The following XIST variants were observed in gnomAD, a reference collection of about 807,000 sequenced individuals.
XIST encodes X inactive specific transcript (non-protein coding).
chrX:73,839,446 T>C (rs915284286), intron 1 of XIST, among the ~76,000 whole-genome samples: 1 of 111,617 alleles, frequency 9.0e-6, no homozygotes, highest in Non-Finnish European at 1.9e-5. Context: ...ATTTAGGTAT[T>C]TGATATAAGC....
At chrX:73,847,599 G>A (rs1457334980) in exon 1 of XIST, 2 of 512,501 alleles carry the variant, frequency 3.9e-6, no homozygotes, top group African/African-American at 4.7e-5. Flanking sequence ...GAGAAGTCAA[G>A]ATATTAGCTT....
chrX:73,827,110 A>G (rs962342653), exon 6 of XIST: 5 of 556,335 alleles, frequency 9.0e-6, no homozygotes, highest in African/African-American at 6.8e-5. Context: ...TATCCATATG[A>G]GCCTTCCACC....
rs762151553 is a variant in XIST, at chrX:73,823,471, T to C, written n.16430A>G. On this transcript the variant is annotated non_coding_transcript_exon_variant, in exon 6 of 6. Transcript: ENST00000429829. ...CTATCTTCAGCTGTCAGTGATCTAA[T>C]GCCCTCATCTCTCTTATCCTCAGGA... 33 of 516,188 alleles carry C rather than the reference T, an allele frequency of 6.4e-5. No individual in the cohort carries two copies. The African/African-American group carries it at 7.2e-4, about 11-fold the overall frequency. The allele number at this position is 516,188 out of a possible 1,213,427, so 42.5% of individuals were successfully genotyped here.
chrX:73,822,287 G>C (rs781154398), exon 6 of XIST: 13 of 556,426 alleles, frequency 2.3e-5, no homozygotes, highest in Non-Finnish European at 4.2e-5. Flanking sequence ...ACAAAACCCA[G>C]CTACCTGCTT....
chrX:73,827,221 T>C (rs762230356), exon 6 of XIST: 1 of 558,643 alleles, frequency 1.8e-6, no homozygotes, highest in Admixed American at 2.2e-5. Flanking sequence ...CGCTCCACAA[T>C]GCTTGCTCTG....
At chrX:73,827,174 C>A in exon 6 of XIST, 2 of 558,534 alleles carry the variant, frequency 3.6e-6, no homozygotes, top group Non-Finnish European at 6.5e-6. Flanking sequence ...TTGTTTTGGT[C>A]TTGGATCATC....
At chrX:73,849,497 A>G in exon 1 of XIST, 2 of 559,145 alleles carry the variant, frequency 3.6e-6, no homozygotes. Flanking sequence ...GCAATGACAG[A>G]GAAATGGTTT....
In XIST at chrX:73,849,227, G is replaced by A. The variant is rs1161574510; in HGVS notation, n.3497C>T. On this transcript the variant is annotated non_coding_transcript_exon_variant, in exon 1 of 6. Coordinates refer to ENST00000429829, the Ensembl canonical transcript of XIST. ...TGTCCAAGAACAGCAGGATTCTCCAGAAGCACAGCAAAAAGCGCAGTAGGG... is the reference window on the plus strand; with the variant it reads ...TGTCCAAGAACAGCAGGATTCTCCAAAAGCACAGCAAAAAGCGCAGTAGGG... The A allele has an allele frequency of 8.9e-6, 5 of 558,957 alleles. No individual in the cohort carries two copies. In the Admixed American group the frequency reaches 1.1e-4, roughly 12 times the overall value. The allele number at this position is 558,957 out of a possible 1,213,427, so 46.1% of individuals were successfully genotyped here. A position where few individuals can be genotyped will look rare whatever the true frequency, so the allele number is the denominator to read the frequency against.
chrX:73,836,628 T>C (rs1383756094), intron 2 of XIST, among the ~76,000 whole-genome samples: 1 of 111,836 alleles, frequency 8.9e-6, no homozygotes, highest in Non-Finnish European at 1.9e-5. Flanking sequence ...ATATATCTCC[T>C]TGCTCTTGTC....
chrX:73,843,735 T>C, exon 1 of XIST: 2 of 558,113 alleles, frequency 3.6e-6, no homozygotes, highest in South Asian at 2.2e-5. Flanking sequence ...TCTTGAGTAG[T>C]GGGCACTACC....
At chrX:73,829,830 A>G (rs1038613314) in intron 4 of XIST, among the ~76,000 whole-genome samples, 4 of 109,053 alleles carry the variant, frequency 3.7e-5, no homozygotes, top group African/African-American at 1.3e-4. Flanking sequence ...TCCTGTTTTA[A>G]GTGCCAATCA....
chrX:73,841,244 CTA>C (rs1225864376), intron 1 of XIST: 86 of 371,734 alleles, frequency 2.3e-4, no homozygotes, highest in South Asian at 4.7e-4. Context: ...ATTTCTCTCT[CTA>C]TATATATATA....
At chrX:73,834,897 G>A (rs1217360123) in intron 2 of XIST, among the ~76,000 whole-genome samples, 3 of 107,397 alleles carry the variant, frequency 2.8e-5, no homozygotes, top group Non-Finnish European at 3.8e-5. Context: ...GGGAGGCTGA[G>A]GCAGGAGAAT....
exon 6 of XIST, chrX:73,827,710 G>C (rs773145037): frequency 4.0e-5 from 22 of 547,375 alleles, no homozygotes; most frequent in Non-Finnish European, 6.9e-5. Context: ...ACAAGAAAAG[G>C]ACAAAAAGCA....
At chrX:73,835,528 T>G (rs937397107) in intron 2 of XIST, among the ~76,000 whole-genome samples, 2 of 112,372 alleles carry the variant, frequency 1.8e-5, no homozygotes, top group Non-Finnish European at 1.9e-5. Flanking sequence ...TTTAGTTATC[T>G]ATTAACTACT....
chrX:73,827,046 T>G (rs183256903), exon 6 of XIST: 1 of 558,782 alleles, frequency 1.8e-6, no homozygotes, highest in Admixed American at 2.2e-5. Flanking sequence ...GGGCTTTCCA[T>G]CTTAGTCCTC....
exon 1 of XIST, chrX:73,850,820 G>C (rs1234581340): frequency 7.8e-6 from 4 of 515,496 alleles, no homozygotes; most frequent in Non-Finnish European, 1.0e-5. Flanking sequence ...GGAATGGAGG[G>C]AGGTTCAGAC....
chrX:73,851,074 C>A lies in XIST; in HGVS notation n.1650G>T, dbSNP rs759025469. ...AGTAGCTGGACAGTGTGTCATCAGT[C>A]TAATTCCATCTTCTGCTCTAATTGG... On this transcript the variant is annotated non_coding_transcript_exon_variant, in exon 1 of 6. Transcript: ENST00000429829. 3.2e-5 allele frequency: 18 copies of A among 557,887 alleles called. No individual in the cohort carries two copies. In the Admixed American group the frequency reaches 3.6e-4, roughly 11 times the overall value. 46.0% of individuals were successfully genotyped at this position (557,887 alleles called of 1,213,427 possible).
chrX:73,821,217 A>C (rs776507757), exon 6 of XIST: 11 of 555,675 alleles, frequency 2.0e-5, no homozygotes, highest in Non-Finnish European at 3.6e-5. Flanking sequence ...TTTCAACCCC[A>C]GATTATCTTC....
Sources: gnomAD v4.1 joint callset for allele counts (sites outside exome capture counted in the v4.1 genomes callset) on GRCh38, gnomAD v4.1.1 for gene constraint, MANE v1.5 for transcripts, NCBI Gene and HGNC (gene_info 2026-07-23, HGNC 2026-07-21) for gene names.